The following IL1RAPL2 variants were observed in gnomAD, a reference collection of about 807,000 sequenced individuals.
IL1RAPL2 encodes interleukin 1 receptor accessory protein like 2.
In IL1RAPL2, 3 loss-of-function variants were observed where a neutral mutation model predicts 44.1. The observed-to-expected ratio is 0.07, with a 90% CI of 0.03 to 0.18. IL1RAPL2 has a LOEUF of 0.18. Ranked by LOEUF, IL1RAPL2 falls within the 10% of genes least tolerant of loss-of-function variation. The pLI, the probability that IL1RAPL2 is intolerant of heterozygous loss-of-function variation, is 1.00. For missense variants in IL1RAPL2, 391 were observed against 496.4 expected, an observed-to-expected ratio of 0.79 and a Z score of 2.02; for synonymous variants, 181 against 178.8, an observed-to-expected ratio of 1.01 and a Z score of -0.10.
At chrX:104,920,966 A>G (rs1050745182) in intron 2 of IL1RAPL2, among the ~76,000 whole-genome samples, 3 of 110,971 alleles carry the variant, frequency 2.7e-5, no homozygotes, top group Non-Finnish European at 5.7e-5. Flanking sequence ...GGATGAAGTG[A>G]GGCTGCCTGC....
At chrX:104,932,767 T>C (rs1250088456) in intron 2 of IL1RAPL2, among the ~76,000 whole-genome samples, 2 of 112,521 alleles carry the variant, frequency 1.8e-5, no homozygotes, top group African/African-American at 6.5e-5. Flanking sequence ...TATCAAAGCA[T>C]ATTTTAAAAG....
chrX:104,955,553 ATT>A (rs1925691964), intron 2 of IL1RAPL2, among the ~76,000 whole-genome samples: 1 of 107,455 alleles, frequency 9.3e-6, no homozygotes, highest in Admixed American at 1.0e-4. Flanking sequence ...ATATATATAT[ATT>A]ATACTCATAT....
intron 5 of IL1RAPL2, among the ~76,000 whole-genome samples, chrX:105,359,027 GGCAGTCT>G (rs1458512318): frequency 2.7e-5 from 3 of 112,030 alleles, no homozygotes; most frequent in Non-Finnish European, 5.6e-5. Context: ...TCCTTCATCA[GGCAGTCT>G]TTGGCCATAC....
At chrX:104,947,251 T>C (rs1273288430) in intron 2 of IL1RAPL2, among the ~76,000 whole-genome samples, 1 of 109,107 alleles carries the variant, frequency 9.2e-6, no homozygotes, top group Non-Finnish European at 1.9e-5. Flanking sequence ...TCGCCCACTT[T>C]TTGATGGGGT....
intron 5 of IL1RAPL2, among the ~76,000 whole-genome samples, chrX:105,433,596 C>T (rs1383696188): frequency 9.0e-6 from 1 of 111,473 alleles, no homozygotes; most frequent in Non-Finnish European, 1.9e-5. Flanking sequence ...TAAGTTCCTA[C>T]TAATTGTCCA....
At chrX:104,637,802 CTG>C (rs1214767208) in intron 1 of IL1RAPL2, among the ~76,000 whole-genome samples, 119 of 88,333 alleles carry the variant, frequency 1.3e-3, no homozygotes, top group Middle Eastern at 5.8e-3. Context: ...GTGTGTGTGT[CTG>C]TGTGTGTGTG....
At chrX:104,814,067 A>G (rs1921071137) in intron 2 of IL1RAPL2, among the ~76,000 whole-genome samples, 1 of 110,909 alleles carries the variant, frequency 9.0e-6, no homozygotes, top group South Asian at 3.9e-4. Flanking sequence ...CATCTCTCTG[A>G]GCATGGGTAC....
At chrX:104,623,054 T>G (rs1929429828) in intron 1 of IL1RAPL2, among the ~76,000 whole-genome samples, 2 of 111,379 alleles carry the variant, frequency 1.8e-5, no homozygotes, top group African/African-American at 6.5e-5. Context: ...GAAGCATTTT[T>G]TTTTAAAAAA....
At chrX:104,985,188 A>T (rs2030537832) in intron 2 of IL1RAPL2, among the ~76,000 whole-genome samples, 1 of 110,048 alleles carries the variant, frequency 9.1e-6, no homozygotes, top group Admixed American at 9.7e-5. Flanking sequence ...CCCGGGTTCA[A>T]GCGATTCTTG....
At chrX:104,814,736 A>C (rs1921090699) in intron 2 of IL1RAPL2, among the ~76,000 whole-genome samples, 1 of 112,211 alleles carries the variant, frequency 8.9e-6, no homozygotes, top group African/African-American at 3.2e-5. Flanking sequence ...CTTTGTGTCA[A>C]ATTCTGCTCC....
At chrX:105,341,247 A>G (rs7052978) in intron 5 of IL1RAPL2, among the ~76,000 whole-genome samples, 14,490 of 111,368 alleles carry the variant, frequency 0.13, 2,261 homozygotes, top group African/African-American at 0.45. Context: ...AGAATATATT[A>G]TAAGAATTTC....
intron 5 of IL1RAPL2, among the ~76,000 whole-genome samples, chrX:105,342,075 C>T (rs1199968020): frequency 9.6e-6 from 1 of 103,889 alleles, no homozygotes; most frequent in Non-Finnish European, 1.9e-5. Flanking sequence ...AACCAAACAC[C>T]ACATGTTCTA....
chrX:105,022,701 C>A (rs1313495608), intron 2 of IL1RAPL2, among the ~76,000 whole-genome samples: 2 of 110,954 alleles, frequency 1.8e-5, no homozygotes, highest in African/African-American at 3.3e-5. Flanking sequence ...GATGCCCTCC[C>A]CTATTACAGT....
intron 2 of IL1RAPL2, among the ~76,000 whole-genome samples, chrX:104,674,634 C>G (rs1930703124): frequency 9.0e-6 from 1 of 110,863 alleles, no homozygotes; most frequent in Non-Finnish European, 1.9e-5. Context: ...GGAGGATTCC[C>G]TCTTTTTCTA....
chrX:104,623,010 C>T (rs187229498), intron 1 of IL1RAPL2, among the ~76,000 whole-genome samples: 8 of 111,328 alleles, frequency 7.2e-5, no homozygotes, highest in South Asian at 3.8e-4. Context: ...ATGCTGATCA[C>T]GAAATTATTT....
At chrX:105,697,077 T>C (rs2147535569) in intron 6 of IL1RAPL2, among the ~76,000 whole-genome samples, 1 of 109,403 alleles carries the variant, frequency 9.1e-6, no homozygotes, top group South Asian at 4.0e-4. Context: ...GGGGGAAATG[T>C]CAGGCTCTTT....
chrX:105,038,749 G>C (rs73518246), intron 2 of IL1RAPL2, among the ~76,000 whole-genome samples: 7,476 of 109,992 alleles, frequency 0.068, 699 homozygotes, highest in African/African-American at 0.24. Flanking sequence ...CCTCTTTCTA[G>C]GTATATGATT....
At chrX:105,250,490 G>A (rs1259206870) in intron 4 of IL1RAPL2, among the ~76,000 whole-genome samples, 1 of 110,337 alleles carries the variant, frequency 9.1e-6, no homozygotes, top group African/African-American at 3.3e-5. Context: ...AGAGTTTGGA[G>A]GGTATGTGGA....
At chrX:105,659,111 AGTGAGACTCTGTCT>A in intron 6 of IL1RAPL2, among the ~76,000 whole-genome samples, 1 of 110,734 alleles carries the variant, frequency 9.0e-6, no homozygotes, top group Non-Finnish European at 1.9e-5. Flanking sequence ...GGGGCAACAG[AGTGAGACTCTGTCT>A]CAAAAAACAA....
Sources: gnomAD v4.1 joint callset for allele counts (sites outside exome capture counted in the v4.1 genomes callset) on GRCh38, gnomAD v4.1.1 for gene constraint, MANE v1.5 for transcripts, NCBI Gene and HGNC (gene_info 2026-07-23, HGNC 2026-07-21) for gene names.